Variants in TEK observed in about 807,000 individuals in gnomAD.
TEK encodes the protein angiopoietin-1 receptor.
A neutral mutation model predicts 131.8 loss-of-function variants in TEK; 43 were observed. The observed-to-expected ratio is 0.33, with a 90% CI of 0.26 to 0.42. The LOEUF is 0.42. Among genes scored for constraint, TEK ranks in the 10% least tolerant of loss-of-function variants. The pLI is 1.00. For synonymous variants in TEK, 580 were observed against 491.6 expected (o/e 1.18, Z -2.38); for missense variants, 1,162 against 1,384.4 (o/e 0.84, Z 2.55).
chr9:27,132,246 CCTGA>C (rs1467264468), intron 1 of TEK, among the ~76,000 whole-genome samples: 2 of 151,972 alleles, frequency 1.3e-5, no homozygotes, highest in Non-Finnish European at 2.9e-5. Flanking sequence ...CACCACCACA[CCTGA>C]CTAATGTTTG....
At chr9:27,177,780 T>G (rs971841497) in intron 6 of TEK, among the ~76,000 whole-genome samples, 4 of 152,120 alleles carry the variant, frequency 2.6e-5, no homozygotes, top group Non-Finnish European at 4.4e-5. Flanking sequence ...AAAAGATGTC[T>G]ATTCAGGTCC....
intron 10 of TEK, 135 bp downstream of exon 10, chr9:27,190,825 T>G: frequency 1.5e-6 from 2 of 1,309,864 alleles, no homozygotes; most frequent in Non-Finnish European, 2.1e-6. Context: ...GGATTCTGTT[T>G]CAGAGTATTC....
intron 3 of TEK, 40 bp from the exon 4 acceptor site, chr9:27,169,437 T>A: frequency 6.2e-7 from 1 of 1,613,062 alleles, no homozygotes; most frequent in Non-Finnish European, 8.5e-7. Context: ...CAGGTATGTT[T>A]CAGTGTGACC....
chr9:27,158,521 T>C (rs1823424606), intron 2 of TEK, among the ~76,000 whole-genome samples: 1 of 152,210 alleles, frequency 6.6e-6, no homozygotes, highest in Non-Finnish European at 1.5e-5. Flanking sequence ...ATGTGATACA[T>C]TGCTTTGCTT....
At chr9:27,203,864 T>C (rs1825308431) in intron 13 of TEK, among the ~76,000 whole-genome samples, 1 of 152,258 alleles carries the variant, frequency 6.6e-6, no homozygotes, top group East Asian at 1.9e-4. Context: ...GAAAATACTA[T>C]AACTAAATCT....
intron 1 of TEK, among the ~76,000 whole-genome samples, chr9:27,157,110 G>A (rs1823361876): frequency 2.6e-5 from 4 of 152,186 alleles, no homozygotes; most frequent in Admixed American, 2.6e-4. Flanking sequence ...GTTTGGGTAA[G>A]GTTTTGTTTT....
At chr9:27,214,137 C>T (rs1306241383) in intron 18 of TEK, among the ~76,000 whole-genome samples, 1 of 150,502 alleles carries the variant, frequency 6.6e-6, no homozygotes, top group Non-Finnish European at 1.5e-5. Flanking sequence ...AATATTTTAT[C>T]TTTAAGTACA....
intron 1 of TEK, among the ~76,000 whole-genome samples, chr9:27,136,734 C>T (rs1268809345): frequency 3.3e-5 from 5 of 152,132 alleles, no homozygotes; most frequent in African/African-American, 1.2e-4. Flanking sequence ...TGTTCAAGTC[C>T]TTCAGCTGCA....
intron 18 of TEK, among the ~76,000 whole-genome samples, chr9:27,214,707 C>T (rs972253113): frequency 6.6e-6 from 1 of 152,162 alleles, no homozygotes; most frequent in Admixed American, 6.5e-5. Flanking sequence ...ATAGCTACAA[C>T]CACAGTGAAC....
Position 27,212,783 on chromosome 9 carries a change from G to T in TEK, c.2763G>T (p.Glu921Asp). 1 of 1,614,126 alleles carries T rather than the reference G, an allele frequency of 6.2e-7. No individual in the cohort carries two copies. Among genetic ancestry groups the T allele is most frequent in the Non-Finnish European group, 8.5e-7 (1 of 1,180,016 alleles). Reference protein sequence around the residue: ...LDFLRKSRVLETDPAFAIANS... With the variant: ...LDFLRKSRVLDTDPAFAIANS... Reference sequence around the variant, plus strand: ...TCCTTCGCAAGAGCCGTGTGCTGGAGACGGACCCAGCATTTGCCATTGCCA... The same window carrying T: ...TCCTTCGCAAGAGCCGTGTGCTGGATACGGACCCAGCATTTGCCATTGCCA... The change falls in exon 17 of 23, where the codon GAG (glutamate) becomes GAT (aspartate). Residue 921 changes from glutamate (E) to aspartate (D), a missense_variant. Physicochemically the swap from Glu to Asp is conservative, Grantham distance 45. This residue lies in a region of TEK where 107 missense variants were observed against 173.9 expected (regional missense o/e 0.62). Transcript: ENST00000380036.
chr9:27,174,133 A>G (rs186152830), intron 6 of TEK, among the ~76,000 whole-genome samples: 1 of 152,290 alleles, frequency 6.6e-6, no homozygotes, highest in Admixed American at 6.5e-5. Flanking sequence ...TCCACTTTTC[A>G]GTATGCATTT....
At chr9:27,167,596 C>T (rs1349108385) in intron 2 of TEK, among the ~76,000 whole-genome samples, 2 of 152,276 alleles carry the variant, frequency 1.3e-5, no homozygotes, top group Non-Finnish European at 2.9e-5. Context: ...TGTCCAGTTC[C>T]ATAACTGTGT....
intron 1 of TEK, among the ~76,000 whole-genome samples, chr9:27,135,215 CTTT>C (rs34646855): frequency 0.15 from 21,468 of 141,624 alleles, 2,395 homozygotes; most frequent in African/African-American, 0.31. Flanking sequence ...CAGAGTGAGA[CTTT>C]TTTTTTTTTT....
chr9:27,225,378 G>T (rs1826276017), intron 21 of TEK, among the ~76,000 whole-genome samples: 1 of 152,102 alleles, frequency 6.6e-6, no homozygotes, highest in African/African-American at 2.4e-5. Context: ...GATGGTACTG[G>T]TACTAAAACA....
intron 1 of TEK, among the ~76,000 whole-genome samples, chr9:27,122,025 AATTAT>A (rs1821813254): frequency 6.6e-6 from 1 of 152,200 alleles, no homozygotes; most frequent in Non-Finnish European, 1.5e-5. Flanking sequence ...TTGTTAATAA[AATTAT>A]AGACAAGACC....
At chr9:27,215,155 G>C (rs879905114) in intron 18 of TEK, among the ~76,000 whole-genome samples, 1 of 152,186 alleles carries the variant, frequency 6.6e-6, no homozygotes, top group Non-Finnish European at 1.5e-5. Context: ...CCCAAGACTA[G>C]CACTGGTTTG....
Position 27,172,628 on chromosome 9 carries a change from A to G in TEK, c.641A>G (p.Gln214Arg). ...TCCTTAACAAAAGGATGTGAAGCCC[A>G]GAAGTGGGGACCTGAATGCAACCAT... is the stretch of plus-strand genomic sequence containing the variant. ...TRLIVRRCEAQKWGPECNHLC... is the reference protein window; with the variant it reads ...TRLIVRRCEARKWGPECNHLC... Residue 214 changes from glutamine to arginine, a missense_variant, in exon 5 of 23, where the codon CAG becomes CGG. This residue lies in a region of TEK where 436 missense variants were observed against 539.1 expected (regional missense o/e 0.81). Transcript: ENST00000380036. 6 of 1,613,648 alleles carry G rather than the reference A, an allele frequency of 3.7e-6. No individual in the cohort carries two copies. In the South Asian group the frequency reaches 6.6e-5, roughly 18 times the overall value.
intron 1 of TEK, among the ~76,000 whole-genome samples, chr9:27,113,495 G>A (rs1821428179): frequency 6.6e-6 from 1 of 152,166 alleles, no homozygotes; most frequent in Admixed American, 6.5e-5. Flanking sequence ...GGCTTAGACA[G>A]GAGGATCGCT....
chr9:27,194,671 T>C (rs1824943915), intron 11 of TEK, among the ~76,000 whole-genome samples: 1 of 152,126 alleles, frequency 6.6e-6, no homozygotes. Context: ...AGCCCCACAC[T>C]GTACTGTCTT....
Sources: gnomAD v4.1 joint callset for allele counts (sites outside exome capture counted in the v4.1 genomes callset) on GRCh38, gnomAD v4.1.1 for gene constraint, gnomAD v4.1.1 regional missense constraint, MANE v1.5 for transcripts, NCBI Gene and HGNC (gene_info 2026-07-23, HGNC 2026-07-21) for gene names.